The following SH3D21 variants were observed in gnomAD, a reference collection of about 807,000 sequenced individuals.
SH3D21 encodes SH3 domain-containing protein 21.
SH3D21 carries 83 observed loss-of-function variants against 82.1 expected under a neutral mutation model. That is an observed-to-expected ratio of 1.01 (90% confidence interval 0.85 to 1.21). The LOEUF (loss-of-function observed/expected upper bound fraction) is 1.21, where lower values mean the gene tolerates loss of function less well. Among genes scored for constraint, SH3D21 ranks in the 50% most tolerant of loss-of-function variants. The probability of loss-of-function intolerance (pLI) is 0.00; values close to 1 mark genes in which losing one functional copy is unlikely to be tolerated. For synonymous variants in SH3D21, 383 were observed against 387.8 expected (o/e 0.99, Z 0.15); for missense variants, 980 against 962.1 (o/e 1.02, Z -0.25).
At chr1:36,318,898 AAATAATAATAAT>A (rs58567392) in intron 10 of SH3D21, among the ~76,000 whole-genome samples, 161 bp from the exon 11 acceptor site, 3,701 of 140,308 alleles carry the variant, frequency 0.026, 151 homozygotes, top group African/African-American at 0.082. Flanking sequence ...ACTCCATCTC[AAATAATAATAAT>A]AATAATAATA....
rs1278568768 is a variant in SH3D21, at chr1:36,307,295, G to A, written c.345+10G>A. 6.4e-6 allele frequency: 10 copies of A among 1,551,734 alleles called. No individual in the cohort carries two copies. In the South Asian group the frequency reaches 1.1e-4, roughly 17 times the overall value. On this transcript the variant is annotated intron_variant, in intron 4 of 15. Coordinates refer to ENST00000453908, the MANE Select transcript of SH3D21 (RefSeq NM_001162530.2). The surrounding 1 kb of genome is among the most constrained non-coding windows in gnomAD (Gnocchi z 5.4). ...GGAAATGATAAAGGAGGTGAGGGGT[G>A]AGGTGATGGGACCGTTTGGGGGAGG...
chr1:36,318,026 G>C (rs1646373224), intron 10 of SH3D21, among the ~76,000 whole-genome samples: 1 of 152,240 alleles, frequency 6.6e-6, no homozygotes, highest in East Asian at 1.9e-4. Context: ...TCCCAGGTTG[G>C]AGGCTGTTGG....
chr1:36,319,982 CTG>C lies in SH3D21; in HGVS notation c.1322_1323del (p.Val441GlyfsTer25), dbSNP rs754388570. On this transcript the variant is annotated frameshift_variant, in exon 14 of 16. Transcript: ENST00000453908. LOFTEE classifies it high-confidence loss of function. ...TCCATCATCCCAGAGGAGACCCTGA[CTG>C]TGGACAAACCCTCCACTCCAGAGAG... The C allele has an allele frequency of 3.1e-6, 5 of 1,614,182 alleles. No individual in the cohort carries two copies. Among genetic ancestry groups the C allele is most frequent in the African/African-American group, 2.7e-5 (2 of 75,034 alleles).
intron 10 of SH3D21, among the ~76,000 whole-genome samples, chr1:36,318,445 T>C (rs1307448638): frequency 3.3e-5 from 5 of 152,112 alleles, no homozygotes; most frequent in African/African-American, 1.2e-4. Context: ...GGGTGAGATC[T>C]CTTAGAGAGT....
At position 36,306,460 on chromosome 1, in the gene SH3D21, A is replaced by C; in HGVS notation, c.4+36A>C. ...AGGCTTTGAGGTGGCCTCTCTCTGCAACCGTGGACATAGCAAGAGCCCACA... is the reference window on the plus strand; with the variant it reads ...AGGCTTTGAGGTGGCCTCTCTCTGCCACCGTGGACATAGCAAGAGCCCACA... On this transcript the variant is annotated intron_variant, in intron 1 of 15. Coordinates refer to ENST00000453908, the MANE Select transcript of SH3D21 (RefSeq NM_001162530.2). This position sits in a 1 kb window ranked among gnomAD's most constrained non-coding sequence, Gnocchi z 4.5. 1 of 1,305,350 alleles carries C rather than the reference A, an allele frequency of 7.7e-7. No homozygotes were observed. The highest frequency in any genetic ancestry group is 1.0e-6 in the Non-Finnish European group (1 of 988,950). The allele number at this position is 1,305,350 out of a possible 1,614,324, so 80.9% of individuals were successfully genotyped here. A position where few individuals can be genotyped will look rare whatever the true frequency, so the allele number is the denominator to read the frequency against.
chr1:36,311,624 T>C (rs1421194655), intron 10 of SH3D21, among the ~76,000 whole-genome samples: 1 of 152,236 alleles, frequency 6.6e-6, no homozygotes, highest in Non-Finnish European at 1.5e-5. Context: ...TATACCTTTT[T>C]CCCTATGGAC....
downstream of SH3D21, among the ~76,000 whole-genome samples, chr1:36,325,747 T>C (rs1345446811): frequency 1.3e-5 from 2 of 152,208 alleles, no homozygotes; most frequent in Admixed American, 6.5e-5. Context: ...GGTTTCACCA[T>C]GTTAGCCAGG....
chr1:36,321,333 C>G lies in SH3D21; in HGVS notation c.*206C>G. ...CCAGGCACATCTGGCCAACATGTGG[C>G]TCCCATTACCGTTCCCAAGGCCTGC... is the stretch of plus-strand genomic sequence containing the variant. On this transcript the variant is annotated 3_prime_UTR_variant, in exon 16 of 16. Coordinates refer to ENST00000453908, the MANE Select transcript of SH3D21 (RefSeq NM_001162530.2). The surrounding 1 kb of genome is among the most constrained non-coding windows in gnomAD (Gnocchi z 6.1). 7.0e-7 allele frequency: 1 copy of G among 1,425,882 alleles called. No individual in the cohort carries two copies. Among genetic ancestry groups the G allele is most frequent in the Non-Finnish European group, 9.1e-7 (1 of 1,093,836 alleles). 88.3% of individuals were successfully genotyped at this position (1,425,882 alleles called of 1,614,324 possible). A position where few individuals can be genotyped will look rare whatever the true frequency, so the allele number is the denominator to read the frequency against.
intron 10 of SH3D21, among the ~76,000 whole-genome samples, chr1:36,315,649 T>C (rs1396814796): frequency 6.6e-6 from 1 of 152,092 alleles, no homozygotes; most frequent in African/African-American, 2.4e-5. Flanking sequence ...GCACCCGGCC[T>C]GTTGGATCAT....
chr1:36,327,732 G>A, downstream of SH3D21: 1 of 1,223,776 alleles, frequency 8.2e-7, no homozygotes, highest in South Asian at 1.4e-5. Flanking sequence ...GCTTGCCGTG[G>A]CCAAGCCAGG....
chr1:36,307,595 AG>A lies in SH3D21; in HGVS notation c.425del (p.Ser142MetfsTer24). 6.4e-7 allele frequency: 1 copy of A among 1,551,628 alleles called. No individual in the cohort carries two copies. Among genetic ancestry groups the A allele is most frequent in the Non-Finnish European group, 8.7e-7 (1 of 1,146,960 alleles). ...FPSNFVELLDSGPPSLGNPDM... is the reference protein window; with the variant it reads ...FPSNFVELLDXGPPSLGNPDM... ...ATCCAACTTTGTGGAATTGCTGGAC[AG>A]TGGGCCCCCAAGTGAGACCTCGACT... On this transcript the variant is annotated frameshift_variant, in exon 5 of 16. Transcript: ENST00000453908. LOFTEE classifies it high-confidence loss of function. The surrounding 1 kb of genome is among the most constrained non-coding windows in gnomAD (Gnocchi z 5.4).
chr1:36,312,875 T>C (rs968051339), intron 10 of SH3D21, among the ~76,000 whole-genome samples: 4 of 152,090 alleles, frequency 2.6e-5, no homozygotes, highest in Non-Finnish European at 5.9e-5. Flanking sequence ...CACATCCAGC[T>C]AAATTTTTTT....
rs1336920733 is a variant in SH3D21, at chr1:36,319,716, G to C, written c.1053G>C (p.Lys351Asn). Residue 351 changes from lysine (K) to asparagine (N), a missense_variant, in exon 14 of 16, where the codon AAG (lysine) becomes AAC (asparagine). Lys to Asn is a moderately conservative substitution (Grantham distance 94). Coordinates refer to ENST00000453908, the MANE Select transcript of SH3D21 (RefSeq NM_001162530.2). The part of the protein sequence containing the change: ...HSSPVKAPSV[K>N]RTPMPDKTAT... Reference sequence around the variant, plus strand: ...GCCCGGTAAAGGCCCCCTCTGTGAAGAGAACCCCCATGCCGGACAAGACTG... The same window carrying C: ...GCCCGGTAAAGGCCCCCTCTGTGAACAGAACCCCCATGCCGGACAAGACTG... The C allele has an allele frequency of 1.3e-6, 2 of 1,595,674 alleles. No individual in the cohort carries two copies. The highest frequency in any genetic ancestry group is 4.5e-5 in the East Asian group (2 of 44,762).
chr1:36,319,219 C>A, intron 11 of SH3D21, 41 bp from the exon 12 acceptor site: 1 of 1,551,276 alleles, frequency 6.4e-7, no homozygotes. Flanking sequence ...AACGCCCCTC[C>A]CTGTGCCCCA....
chr1:36,319,106 A>G lies in SH3D21; in HGVS notation c.805A>G (p.Thr269Ala). 1 of 1,551,438 alleles carries G rather than the reference A, an allele frequency of 6.4e-7. No individual in the cohort carries two copies. The highest frequency in any genetic ancestry group is 8.7e-7 in the Non-Finnish European group (1 of 1,146,866). The change falls in exon 11 of 16, where the codon ACA becomes GCA. Residue 269 changes from threonine to alanine, a missense_variant. Coordinates refer to ENST00000453908, the MANE Select transcript of SH3D21 (RefSeq NM_001162530.2). ...IKEPKKLMPK[T>A]SLPTVKKLAT... is the part of the protein sequence containing the mutation. Reference sequence around the variant, plus strand: ...GGAACCAAAAAAGTTGATGCCCAAAACATCCCTCCCCACAGTCAAGAAGCT... The same window carrying G: ...GGAACCAAAAAAGTTGATGCCCAAAGCATCCCTCCCCACAGTCAAGAAGCT...
chr1:36,316,712 C>T (rs1570394598), intron 10 of SH3D21, among the ~76,000 whole-genome samples: 2 of 151,304 alleles, frequency 1.3e-5, no homozygotes, highest in Admixed American at 1.3e-4. Flanking sequence ...TCAGTAGCCA[C>T]AGAGCAGAGC....
In SH3D21 at chr1:36,320,777, A is replaced by G. The variant is rs775943458; in HGVS notation, c.2114A>G (p.Glu705Gly). ...GTGGAGTCTCTAAGGAGGGCGCTGG[A>G]GCTGATGGAGGTGCAGCTGGAGTGA... The part of the protein sequence containing the change: ...GEVESLRRAL[E>G]LMEVQLERKL... The change falls in exon 14 of 16, where the codon GAG (glutamate) becomes GGG (glycine). Residue 705 changes from glutamate to glycine, a missense_variant. Physicochemically the swap from Glu to Gly is moderately conservative, Grantham distance 98. Coordinates refer to ENST00000453908, the MANE Select transcript of SH3D21 (RefSeq NM_001162530.2). 3 of 1,576,990 alleles carry G rather than the reference A, an allele frequency of 1.9e-6. No homozygotes were observed. The highest frequency in any genetic ancestry group is 2.3e-5 in the South Asian group (2 of 87,302).
chr1:36,314,721 T>C (rs900308696), intron 10 of SH3D21, among the ~76,000 whole-genome samples: 13 of 152,192 alleles, frequency 8.5e-5, no homozygotes, highest in Non-Finnish European at 1.5e-4. Flanking sequence ...CCCAAAGTTT[T>C]TCTCTCATTC....
rs1180780181 is a variant in SH3D21 at position 36,307,331 on chromosome 1, G to A, written c.345+46G>A. The stretch of plus-strand genomic sequence containing the variant: ...ACCGTTTGGGGGAGGATGATGGAAC[G>A]CGCCTCCCTAGTGAGCGGGGTGGGA... On this transcript the variant is annotated intron_variant, in intron 4 of 15. Transcript: ENST00000453908. This position sits in a 1 kb window ranked among gnomAD's most constrained non-coding sequence, Gnocchi z 5.4. The A allele has an allele frequency of 1.9e-6, 3 of 1,545,896 alleles. No individual in the cohort carries two copies. The highest frequency in any genetic ancestry group is 2.4e-5 in the East Asian group (1 of 40,828).
Sources: gnomAD v4.1 joint callset for allele counts (sites outside exome capture counted in the v4.1 genomes callset) on GRCh38, gnomAD v4.1.1 for gene constraint, Gnocchi (gnomAD v3.1) non-coding constraint, MANE v1.5 for transcripts, NCBI Gene and HGNC (gene_info 2026-07-23, HGNC 2026-07-21) for gene names.